TSHZ2: variants seen among roughly 807,000 people sequenced by gnomAD.
The protein encoded by TSHZ2 is teashirt zinc finger homeobox 2, also known as teashirt homolog 2.
TSHZ2 carries 21 observed loss-of-function variants against 74.4 expected under a neutral mutation model. The observed-to-expected ratio is 0.28, with a 90% CI of 0.20 to 0.41. The LOEUF (loss-of-function observed/expected upper bound fraction) is 0.41, where lower values mean the gene tolerates loss of function less well. Among genes scored for constraint, TSHZ2 ranks in the 10% least tolerant of loss-of-function variants. The probability of loss-of-function intolerance (pLI) is 1.00; values close to 1 mark genes in which losing one functional copy is unlikely to be tolerated. For synonymous variants in TSHZ2, 540 were observed against 515.3 expected (o/e 1.05, Z -0.65); for missense variants, 1,244 against 1,293.5 (o/e 0.96, Z 0.59).
At chr20:53,213,687 A>G (rs571652824) in intron 1 of TSHZ2, among the ~76,000 whole-genome samples, 2 of 129,496 alleles carry the variant, frequency 1.5e-5, no homozygotes, top group Admixed American at 8.9e-5. Context: ...AATTTAATAA[A>G]CTAATTGGAC....
At chr20:53,359,356 C>G (rs955661750) in intron 2 of TSHZ2, among the ~76,000 whole-genome samples, 6 of 152,250 alleles carry the variant, frequency 3.9e-5, no homozygotes, top group Admixed American at 3.9e-4. Context: ...AATTTCTTAT[C>G]TGTAAAATGA....
intron 1 of TSHZ2, among the ~76,000 whole-genome samples, chr20:53,187,217 A>G (rs537966858): frequency 1.3e-5 from 2 of 152,162 alleles, no homozygotes; most frequent in South Asian, 4.2e-4. Flanking sequence ...CTCTGGTTCC[A>G]ACACAACACC....
chr20:53,429,300 T>C (rs542432041), intron 2 of TSHZ2, among the ~76,000 whole-genome samples: 37 of 152,326 alleles, frequency 2.4e-4, no homozygotes, highest in African/African-American at 8.2e-4. Context: ...ATGAAGATGA[T>C]AAATTCCTTA....
chr20:53,361,158 C>G (rs1317492232), intron 2 of TSHZ2, among the ~76,000 whole-genome samples: 1 of 152,218 alleles, frequency 6.6e-6, no homozygotes, highest in Admixed American at 6.5e-5. Flanking sequence ...GAACACCCCC[C>G]AAAGCTTGTC....
rs532100493 is a variant in TSHZ2 at position 53,021,986 on chromosome 20, T to C, written c.40+48653T>C. Reference sequence around the variant, plus strand: ...AAAAGAATTTGAGGAGATTTTTCAATAAAAGAGATAAAATCATAAAAGTAA... The same window carrying C: ...AAAAGAATTTGAGGAGATTTTTCAACAAAAGAGATAAAATCATAAAAGTAA... On this transcript the variant is annotated intron_variant, in intron 1 of 2. Transcript: ENST00000371497. Among the ~76,000 whole-genome samples, 29 of 152,182 alleles carry C rather than the reference T, an allele frequency of 1.9e-4. No homozygotes were observed. In the South Asian group the frequency reaches 4.8e-3, roughly 25 times the overall value.
intron 1 of TSHZ2, among the ~76,000 whole-genome samples, chr20:53,089,992 A>C (rs1985828177): frequency 6.6e-6 from 1 of 152,256 alleles, no homozygotes; most frequent in African/African-American, 2.4e-5. Flanking sequence ...AATCAGTCCA[A>C]ATCCCTAAAC....
intron 2 of TSHZ2, among the ~76,000 whole-genome samples, chr20:53,436,732 G>A (rs1486688487): frequency 6.6e-6 from 1 of 150,870 alleles, no homozygotes; most frequent in Non-Finnish European, 1.5e-5. Context: ...TATAGTTTTA[G>A]TAGAGACACA....
chr20:53,256,302 C>A lies in TSHZ2; in HGVS notation c.2844C>A (p.His948Gln). 6.2e-7 allele frequency: 1 copy of A among 1,614,060 alleles called. No homozygotes were observed. The highest frequency in any genetic ancestry group is 8.5e-7 in the Non-Finnish European group (1 of 1,179,946). Residue 948 changes from histidine (H) to glutamine (Q), a missense_variant, in exon 2 of 3, where the codon CAC becomes CAA. Physicochemically the swap from His to Gln is conservative, Grantham distance 24 (BLOSUM62 0). Transcript: ENST00000371497. The surrounding 1 kb of genome is among the most constrained non-coding windows in gnomAD (Gnocchi z 4.3). ...PSTYISHLES[H>Q]LGFQMKDMTR... Reference sequence around the variant, plus strand: ...CCTACATCAGTCACTTAGAATCTCACCTGGGTTTCCAAATGAAGGACATGA... The same window carrying A: ...CCTACATCAGTCACTTAGAATCTCAACTGGGTTTCCAAATGAAGGACATGA...
At chr20:53,027,714 G>C (rs1014260774) in intron 1 of TSHZ2, among the ~76,000 whole-genome samples, 1 of 151,978 alleles carries the variant, frequency 6.6e-6, no homozygotes, top group Admixed American at 6.6e-5. Context: ...AGTTAAGATC[G>C]TGCCACTACA....
Position 53,309,399 on chromosome 20 carries a change from T to C in TSHZ2, c.*8+52828T>C, listed in dbSNP as rs1978685391. ...TTCACTGAATGCAATGAAAAAAGAATTTATCAAAAAGGAAGAGAAGCAAAG... is the reference window on the plus strand; with the variant it reads ...TTCACTGAATGCAATGAAAAAAGAACTTATCAAAAAGGAAGAGAAGCAAAG... On this transcript the variant is annotated intron_variant, in intron 2 of 2. Transcript: ENST00000371497. 1.3e-5 allele frequency among the ~76,000 whole-genome samples: 2 copies of C among 149,128 alleles called. 1 individual carries two copies. The highest frequency in any genetic ancestry group is 3.0e-5 in the Non-Finnish European group (2 of 67,236).
chr20:53,095,229 T>C (rs1016727839), intron 1 of TSHZ2, among the ~76,000 whole-genome samples: 4 of 152,228 alleles, frequency 2.6e-5, no homozygotes, highest in Non-Finnish European at 5.9e-5. Flanking sequence ...CCTGAGGCAG[T>C]CTCTCTCCTC....
At chr20:53,307,907 G>C (rs1411600193) in intron 2 of TSHZ2, among the ~76,000 whole-genome samples, 2 of 152,162 alleles carry the variant, frequency 1.3e-5, no homozygotes, top group Non-Finnish European at 2.9e-5. Flanking sequence ...TACTGGTTTA[G>C]AGCCCAGATC....
intron 2 of TSHZ2, among the ~76,000 whole-genome samples, chr20:53,450,323 G>C (rs1463803224): frequency 6.6e-5 from 10 of 151,004 alleles, no homozygotes; most frequent in Admixed American, 2.7e-4. Flanking sequence ...GAAAGAATAT[G>C]TGTAAAGCAT....
rs1985318445 is a variant in TSHZ2, at chr20:53,074,896, G to A, written c.40+101563G>A. 6.6e-6 allele frequency among the ~76,000 whole-genome samples: 1 copy of A among 152,182 alleles called. No homozygotes were observed. The highest frequency in any genetic ancestry group is 2.4e-5 in the African/African-American group (1 of 41,456). ...TTGAAGTCATCCAGCTCATCAGAAAGAACCCCAACCCTCCCAAGGTATTTG... is the reference window on the plus strand; with the variant it reads ...TTGAAGTCATCCAGCTCATCAGAAAAAACCCCAACCCTCCCAAGGTATTTG... On this transcript the variant is annotated intron_variant, in intron 1 of 2. Transcript: ENST00000371497. The surrounding 1 kb of genome is among the most constrained non-coding windows in gnomAD (Gnocchi z 5.9).
chr20:53,312,106 A>T (rs1389369882), intron 2 of TSHZ2, among the ~76,000 whole-genome samples: 1 of 152,098 alleles, frequency 6.6e-6, no homozygotes, highest in Non-Finnish European at 1.5e-5. Context: ...TTTTTAAAAA[A>T]AATCTTACCT....
intron 1 of TSHZ2, among the ~76,000 whole-genome samples, chr20:53,089,326 T>TC (rs1985802141): frequency 8.3e-6 from 1 of 120,030 alleles, no homozygotes; most frequent in Admixed American, 8.0e-5. Context: ...TTTTCTTTTT[T>TC]TTTTTTTTTT....
chr20:53,452,355 T>G (rs1184575353), intron 2 of TSHZ2, among the ~76,000 whole-genome samples: 1 of 152,162 alleles, frequency 6.6e-6, no homozygotes, highest in Non-Finnish European at 1.5e-5. Flanking sequence ...GTCCCAGCAC[T>G]TTGGGAGGCC....
At chr20:53,318,408 C>T (rs1979113322) in intron 2 of TSHZ2, among the ~76,000 whole-genome samples, 1 of 152,214 alleles carries the variant, frequency 6.6e-6, no homozygotes. Flanking sequence ...AGAGCTTCAT[C>T]CTGCTGCCTT....
At chr20:53,353,583 G>A (rs548972641) in intron 2 of TSHZ2, among the ~76,000 whole-genome samples, 2 of 152,176 alleles carry the variant, frequency 1.3e-5, no homozygotes, top group Non-Finnish European at 2.9e-5. Flanking sequence ...GCCTAGGGTT[G>A]TATATTTAGG....
Sources: allele counts gnomAD v4.1 joint callset (sites outside exome capture counted in the v4.1 genomes callset), GRCh38; gene constraint gnomAD v4.1.1; non-coding constraint Gnocchi (gnomAD v3.1); transcripts MANE v1.5; gene names NCBI Gene and HGNC (gene_info 2026-07-23, HGNC 2026-07-21).